RPS6KC1: variants seen among roughly 807,000 people sequenced by gnomAD.
RPS6KC1 encodes inactive ribosomal protein S6 kinase delta-1.
Under a neutral mutation model 103.8 loss-of-function variants are expected in RPS6KC1, and 54 were observed. That is an observed-to-expected ratio of 0.52 (90% CI 0.42 to 0.65). The LOEUF (loss-of-function observed/expected upper bound fraction) is 0.65. Among genes scored for constraint, RPS6KC1 ranks in the 30% least tolerant of loss-of-function variants. The pLI, the probability that RPS6KC1 is intolerant of heterozygous loss-of-function variation, is 0.00. For synonymous variants in RPS6KC1, 439 were observed against 438.7 expected (o/e 1.00, Z -0.01); for missense variants, 1,151 against 1,253.8 (o/e 0.92, Z 1.24).
chr1:213,457,780 T>C, the RPS6KC1 span, among the ~76,000 whole-genome samples: 5 of 152,228 alleles, frequency 3.3e-5, no homozygotes, highest in Admixed American at 3.3e-4. Context: ...GGTTCATACA[T>C]ATATAAATGC....
chr1:213,103,943 C>A (rs1459687654), intron 3 of RPS6KC1, among the ~76,000 whole-genome samples: 1 of 152,154 alleles, frequency 6.6e-6, no homozygotes, highest in Non-Finnish European at 1.5e-5. Flanking sequence ...TGTATGCTGA[C>A]AGCATCACAC....
At chr1:213,304,163 G>A in the RPS6KC1 span, among the ~76,000 whole-genome samples, 4 of 132,062 alleles carry the variant, frequency 3.0e-5, no homozygotes, top group South Asian at 7.2e-4. Context: ...CCGAGATCCC[G>A]CCACTGCACT....
the RPS6KC1 span, among the ~76,000 whole-genome samples, chr1:213,849,849 A>G: frequency 3.3e-5 from 5 of 151,832 alleles, no homozygotes; most frequent in African/African-American, 1.2e-4. Context: ...TTTGGCCTAA[A>G]TATTTTAAAT....
chr1:213,279,672 A>T (rs555508339), downstream of RPS6KC1, among the ~76,000 whole-genome samples: 27 of 152,302 alleles, frequency 1.8e-4, no homozygotes, highest in African/African-American at 6.5e-4. Context: ...CCTCTGACAT[A>T]CATTTAGCTT....
intron 3 of RPS6KC1, among the ~76,000 whole-genome samples, chr1:213,079,719 ATAACTTTTAAAG>A (rs2079681483): frequency 6.6e-6 from 1 of 152,104 alleles, no homozygotes; most frequent in South Asian, 2.1e-4. Context: ...CGCCTGGCAG[ATAACTTTTAAAG>A]AGGCATGTGG....
chr1:213,763,034 T>A, the RPS6KC1 span, among the ~76,000 whole-genome samples: 1 of 152,048 alleles, frequency 6.6e-6, no homozygotes, highest in African/African-American at 2.4e-5. Context: ...AATTTTTGTA[T>A]TTTTAGTAGA....
chr1:213,739,288 G>GA, the RPS6KC1 span, among the ~76,000 whole-genome samples: 1 of 152,114 alleles, frequency 6.6e-6, no homozygotes, highest in Non-Finnish European at 1.5e-5. Context: ...TTTATTGTAA[G>GA]AATACAGTAT....
intron 6 of RPS6KC1, among the ~76,000 whole-genome samples, chr1:213,137,626 C>A (rs2086440720): frequency 6.6e-6 from 1 of 151,530 alleles, no homozygotes; most frequent in African/African-American, 2.4e-5. Flanking sequence ...AGCCACCGTG[C>A]CTTGCCAAAG....
At chr1:213,762,209 C>T in the RPS6KC1 span, among the ~76,000 whole-genome samples, 1 of 152,302 alleles carries the variant, frequency 6.6e-6, no homozygotes, top group East Asian at 1.9e-4. Context: ...GCTTTTCACC[C>T]TTTTGCACAT....
At chr1:213,263,750 C>CA (rs992263227) in intron 14 of RPS6KC1, among the ~76,000 whole-genome samples, 6 of 152,006 alleles carry the variant, frequency 3.9e-5, no homozygotes, top group Admixed American at 3.9e-4. Flanking sequence ...CTATAAGCTA[C>CA]AAAGGTAAGA....
the RPS6KC1 span, among the ~76,000 whole-genome samples, chr1:213,834,038 G>A: frequency 1.3e-5 from 2 of 152,144 alleles, no homozygotes; most frequent in African/African-American, 2.4e-5. Flanking sequence ...GGTCTATTAT[G>A]TTCTTTTTTC....
At chr1:213,737,586 G>A in the RPS6KC1 span, among the ~76,000 whole-genome samples, 15 of 152,258 alleles carry the variant, frequency 9.9e-5, no homozygotes, top group Non-Finnish European at 1.6e-4. Flanking sequence ...TTAAACTACC[G>A]TAGACAGAGT....
At chr1:213,051,909 G>A (rs1453213063) in intron 1 of RPS6KC1, among the ~76,000 whole-genome samples, 1 of 152,166 alleles carries the variant, frequency 6.6e-6, no homozygotes, top group African/African-American at 2.4e-5. Flanking sequence ...AATATAAGTT[G>A]TTTTTTCTCT....
chr1:213,377,457 G>C, the RPS6KC1 span, among the ~76,000 whole-genome samples: 2 of 152,210 alleles, frequency 1.3e-5, no homozygotes. Flanking sequence ...GTTTTGAGGA[G>C]AAGGTGCAGA....
At chr1:213,165,438 TTTTGAGATGGAGA>T (rs1014029150) in intron 6 of RPS6KC1, among the ~76,000 whole-genome samples, 6 of 152,010 alleles carry the variant, frequency 3.9e-5, no homozygotes, top group African/African-American at 1.4e-4. Flanking sequence ...TTTTTGTTTT[TTTTGAGATGGAGA>T]CTTGCACTGT....
At chr1:213,446,500 C>T in the RPS6KC1 span, among the ~76,000 whole-genome samples, 1 of 152,176 alleles carries the variant, frequency 6.6e-6, no homozygotes, top group South Asian at 2.1e-4. Context: ...TGTGATGCCT[C>T]AGTTTTTCTC....
At chr1:213,289,438 G>A in the RPS6KC1 span, among the ~76,000 whole-genome samples, 1 of 151,988 alleles carries the variant, frequency 6.6e-6, no homozygotes, top group Non-Finnish European at 1.5e-5. Flanking sequence ...CGTGGAACTG[G>A]GGCATGAAAA....
chr1:213,521,910 T>C, the RPS6KC1 span, among the ~76,000 whole-genome samples: 1 of 152,230 alleles, frequency 6.6e-6, no homozygotes, highest in Non-Finnish European at 1.5e-5. Flanking sequence ...TATCCATGAA[T>C]GTTGGAATCG....
the RPS6KC1 span, among the ~76,000 whole-genome samples, chr1:213,531,618 C>T: frequency 1.3e-5 from 2 of 152,194 alleles, no homozygotes; most frequent in Non-Finnish European, 2.9e-5. Flanking sequence ...CAGCAGTTCT[C>T]CAGGACAGCT....
Sources: allele counts gnomAD v4.1 joint callset (sites outside exome capture counted in the v4.1 genomes callset), GRCh38; gene constraint gnomAD v4.1.1; transcripts MANE v1.5; gene names NCBI Gene and HGNC (gene_info 2026-07-23, HGNC 2026-07-21).